Variants in SELENON observed in about 807,000 individuals in gnomAD.
The protein encoded by SELENON is selenoprotein N, 1.
SELENON carries 44 observed loss-of-function variants against 59.5 expected under a neutral mutation model. That is an observed-to-expected ratio of 0.74 (90% CI 0.58 to 0.95). The LOEUF (loss-of-function observed/expected upper bound fraction) is 0.95. SELENON is among the 40% of genes least tolerant of loss of function. SELENON has a pLI of 0.00. For missense variants in SELENON, 674 were observed against 721.4 expected, an observed-to-expected ratio of 0.93 and a Z score of 0.75; for synonymous variants, 320 against 305.6, an observed-to-expected ratio of 1.05 and a Z score of -0.49.
rs1553198611 is a variant in SELENON, at chr1:25,801,105, C to CGG, written c.249_250dup (p.Asp84GlyfsTer17). 14 of 1,614,032 alleles carry CGG rather than the reference C, an allele frequency of 8.7e-6. No homozygotes were observed. In the South Asian group the frequency reaches 1.4e-4, roughly 16 times the overall value. On this transcript the variant is annotated frameshift_variant, in exon 2 of 13. Transcript: ENST00000361547. LOFTEE classifies it high-confidence loss of function. ...TTCTCTTTTCCTCCTTGGACACTGA[C>CGG]GGGGATATGTACATCAGCCCTGAGG...
In SELENON at chr1:25,810,606, C is replaced by T. The variant is rs570419432; in HGVS notation, c.1010+786C>T. Reference sequence around the variant, plus strand: ...TCTGTAGGCCTGTTTCCTCATCTGCCGGATGGGAGACTGACTCCTGGCCTA... The same window carrying T: ...TCTGTAGGCCTGTTTCCTCATCTGCTGGATGGGAGACTGACTCCTGGCCTA... On this transcript the variant is annotated intron_variant, in intron 7 of 12. Coordinates refer to ENST00000361547, the MANE Select transcript of SELENON (RefSeq NM_020451.3). Among the ~76,000 whole-genome samples, 7 of 152,298 alleles carry T rather than the reference C, an allele frequency of 4.6e-5. No individual in the cohort carries two copies. In the East Asian group the frequency reaches 7.7e-4, roughly 17 times the overall value.
In SELENON at chr1:25,812,769, C is replaced by G. The variant is rs1356970085; in HGVS notation, c.1364C>G (p.Ala455Gly). 1 of 1,613,280 alleles carries G rather than the reference C, an allele frequency of 6.2e-7. No homozygotes were observed. The highest frequency in any genetic ancestry group is 1.7e-5 in the Admixed American group (1 of 59,974). ...GTGCACTCAATCCTGCTGTGGGGGG[C>G]CCTGGATGACCAGTCCTGCTGAGGT... Residue 455 changes from alanine (A) to glycine (G), a missense_variant, in exon 10 of 13, where the codon GCC (alanine) becomes GGC (glycine). By Grantham distance (60) the Ala-to-Gly change is moderately conservative (BLOSUM62 0). Coordinates refer to ENST00000361547, the MANE Select transcript of SELENON (RefSeq NM_020451.3).
chr1:25,815,267 C>CG (rs2048000780), intron 12 of SELENON, among the ~76,000 whole-genome samples: 1 of 116,720 alleles, frequency 8.6e-6, no homozygotes, highest in South Asian at 2.7e-4. Flanking sequence ...GGGGTCATTT[C>CG]GGGGGGCGGG....
Position 25,811,727 on chromosome 1 carries a change from G to C in SELENON, c.1129G>C (p.Val377Leu). The change falls in exon 9 of 13, where the codon GTG becomes CTG. Residue 377 changes from valine (V) to leucine (L), a missense_variant. Physicochemically the swap from Val to Leu is conservative, Grantham distance 32. Coordinates refer to ENST00000361547, the MANE Select transcript of SELENON (RefSeq NM_020451.3). Reference sequence around the variant, plus strand: ...GGCCACGGGCCCCTCTGTGCCCTCCGTGATCCTGGATGAGGATGGCAGCAT... The same window carrying C: ...GGCCACGGGCCCCTCTGTGCCCTCCCTGATCCTGGATGAGGATGGCAGCAT... 6.2e-7 allele frequency: 1 copy of C among 1,606,032 alleles called. No homozygotes were observed. Among genetic ancestry groups the C allele is most frequent in the Non-Finnish European group, 8.5e-7 (1 of 1,176,620 alleles).
In SELENON at chr1:25,815,649, G is replaced by C. The variant is rs754350384; in HGVS notation, c.1704G>C (p.Pro568=). 6.2e-7 allele frequency: 1 copy of C among 1,614,062 alleles called. No individual in the cohort carries two copies. Among genetic ancestry groups the C allele is most frequent in the African/African-American group, 1.3e-5 (1 of 74,920 alleles). The stretch of plus-strand genomic sequence containing the variant: ...GCTTCTCATCCACCTTTGAAGACCC[G>C]TCCACGGCCACCTACATGCAGTTCC... Residue 568 remains proline (P), a synonymous_variant, in exon 13 of 13, where the codon CCG becomes CCC. Transcript: ENST00000361547.
chr1:25,810,408 C>T (rs1435542870), intron 7 of SELENON, among the ~76,000 whole-genome samples: 2 of 152,222 alleles, frequency 1.3e-5, no homozygotes. Flanking sequence ...TAGAGGACCC[C>T]GGAGGCCCTG....
At chr1:25,804,825 G>T (rs1241042056) in intron 3 of SELENON, among the ~76,000 whole-genome samples, 2 of 152,078 alleles carry the variant, frequency 1.3e-5, no homozygotes, top group Non-Finnish European at 1.5e-5. Flanking sequence ...GTCGTGGTTG[G>T]TCATGGGTTT....
At position 25,800,256 on chromosome 1, in the gene SELENON, G is replaced by T; in HGVS notation, c.26G>T (p.Arg9Leu). The change falls in exon 1 of 13, where the codon CGC (arginine) becomes CTC (leucine). Residue 9 changes from arginine to leucine, a missense_variant. Arg to Leu is a moderately radical substitution (Grantham distance 102). Transcript: ENST00000361547. ...ATGGGCCGGGCCCGGCCGGGCCAAC[G>T]CGGGCCGCCCAGCCCCGGCCCCGCC... 1 of 921,894 alleles carries T rather than the reference G, an allele frequency of 1.1e-6. No individual in the cohort carries two copies. Among genetic ancestry groups the T allele is most frequent in the South Asian group, 4.8e-5 (1 of 20,734 alleles). The allele number at this position is 921,894 out of a possible 1,614,324, so 57.1% of individuals were successfully genotyped here. A position where few individuals can be genotyped will look rare whatever the true frequency, so the allele number is the denominator to read the frequency against.
In SELENON at chr1:25,809,087, C is replaced by T; in HGVS notation, c.809C>T (p.Ala270Val). ...CGGCCCTTTGTGAAGACCCGCTTTG[C>T]CCCTCAGGGAGCTGTGGCCTGCCTG... The change falls in exon 6 of 13, where the codon GCC becomes GTC. Residue 270 changes from alanine (A) to valine (V), a missense_variant. Physicochemically the swap from Ala to Val is moderately conservative, Grantham distance 64. Coordinates refer to ENST00000361547, the MANE Select transcript of SELENON (RefSeq NM_020451.3). The T allele has an allele frequency of 6.2e-7, 1 of 1,613,842 alleles. No homozygotes were observed.
At position 25,817,000 on chromosome 1, in the gene SELENON, ACT is replaced by A. The variant is rs1331966025; in HGVS notation, c.*1287_*1288del. The A allele has an allele frequency of 1.3e-5, 2 of 152,248 alleles. No individual in the cohort carries two copies. The highest frequency in any genetic ancestry group is 2.9e-5 in the Non-Finnish European group (2 of 68,138). The allele number at this position is 152,248 out of a possible 1,614,324, so 9.4% of individuals were successfully genotyped here. ...CACAAAGGCCCACAGGCATGCCTGT[ACT>A]CTCTTTCATTAAGGTCTTGAAGTCA... On this transcript the variant is annotated 3_prime_UTR_variant, in exon 13 of 13. Coordinates refer to ENST00000361547, the MANE Select transcript of SELENON (RefSeq NM_020451.3).
intron 7 of SELENON, among the ~76,000 whole-genome samples, chr1:25,810,137 G>A (rs1284783805): frequency 3.9e-5 from 6 of 152,152 alleles, no homozygotes; most frequent in Non-Finnish European, 7.4e-5. Flanking sequence ...AGCTGTAACC[G>A]CAGCCTGTGC....
Position 25,815,825 on chromosome 1 carries a change from C to G in SELENON, c.*107C>G. 1 of 1,247,270 alleles carries G rather than the reference C, an allele frequency of 8.0e-7. No individual in the cohort carries two copies. The highest frequency in any genetic ancestry group is 1.1e-6 in the Non-Finnish European group (1 of 876,570). 77.3% of individuals were successfully genotyped at this position (1,247,270 alleles called of 1,614,324 possible). A position where few individuals can be genotyped will look rare whatever the true frequency, so the allele number is the denominator to read the frequency against. ...CGCCCACTCCCACCCCACTCCTAGG[C>G]TGCCTTGGAGGGTACAAGATCCACT... On this transcript the variant is annotated 3_prime_UTR_variant, in exon 13 of 13. Coordinates refer to ENST00000361547, the MANE Select transcript of SELENON (RefSeq NM_020451.3).
At position 25,815,790 on chromosome 1, in the gene SELENON, C is replaced by A; in HGVS notation, c.*72C>A. Reference sequence around the variant, plus strand: ...AGAGTGGTCCTCAGCCCATTTCAGACTGCAGATGCCGCCCACTCCCACCCC... The same window carrying A: ...AGAGTGGTCCTCAGCCCATTTCAGAATGCAGATGCCGCCCACTCCCACCCC... On this transcript the variant is annotated 3_prime_UTR_variant, in exon 13 of 13. Transcript: ENST00000361547. 1 of 1,525,658 alleles carries A rather than the reference C, an allele frequency of 6.6e-7. No individual in the cohort carries two copies. The highest frequency in any genetic ancestry group is 1.1e-5 in the South Asian group (1 of 88,608). 94.5% of individuals were successfully genotyped at this position (1,525,658 alleles called of 1,614,324 possible).
chr1:25,811,447 A>G lies in SELENON; in HGVS notation c.1011-7A>G. 6.2e-7 allele frequency: 1 copy of G among 1,613,186 alleles called. No individual in the cohort carries two copies. The highest frequency in any genetic ancestry group is 8.5e-7 in the Non-Finnish European group (1 of 1,179,416). On this transcript the variant is annotated splice_region_variant and splice_polypyrimidine_tract_variant and intron_variant, in intron 7 of 12. Transcript: ENST00000361547. ...ATGATGGTGTCACTCTGCCCTGGCC[A>G]TCCCAGGTCTCTGAATGTGGACATG...
intron 5 of SELENON, 23 bp downstream of exon 4, chr1:25,808,812 G>C: frequency 1.2e-6 from 2 of 1,613,138 alleles, no homozygotes; most frequent in Non-Finnish European, 1.7e-6. Flanking sequence ...GGGGTGCGAC[G>C]TGGGGCCCCT....
rs769215236 is a variant in SELENON, at chr1:25,805,171, G to A, written c.433G>A (p.Glu145Lys). 2 of 1,614,012 alleles carry A rather than the reference G, an allele frequency of 1.2e-6. No homozygotes were observed. Among genetic ancestry groups the A allele is most frequent in the Non-Finnish European group, 1.7e-6 (2 of 1,180,040 alleles). ...AACTCCCGCGGCCAGCTGCGAGGAG[G>A]AGGAGTTGCCCCCTGACCCTAGCGA... The change falls in exon 4 of 13, where the codon GAG becomes AAG. Residue 145 changes from glutamate to lysine, a missense_variant. Physicochemically the swap from Glu to Lys is moderately conservative, Grantham distance 56 (BLOSUM62 1). Transcript: ENST00000361547.
At chr1:25,801,225 G>A in intron 2 of SELENON, 65 bp downstream of exon 2, 1 of 1,280,674 alleles carries the variant, frequency 7.8e-7, no homozygotes, top group Admixed American at 1.7e-5. Flanking sequence ...CACTGAGCAG[G>A]AGCGGCCGTC....
Position 25,808,735 on chromosome 1 carries a change from C to T in SELENON, c.693C>T (p.Phe231=), listed in dbSNP as rs903926749. The stretch of plus-strand genomic sequence containing the variant: ...TCATCCCCAGTGAGCTGAGCATGTT[C>T]ACTGGCTACCTGTCCAACAACCGCT... The change falls in exon 5 of 13, where the codon TTC becomes TTT. Residue 231 remains phenylalanine, a synonymous_variant. Transcript: ENST00000361547. The T allele has an allele frequency of 1.9e-6, 3 of 1,613,960 alleles. No homozygotes were observed. The highest frequency in any genetic ancestry group is 2.5e-6 in the Non-Finnish European group (3 of 1,179,996).
Position 25,811,362 on chromosome 1 carries a change from A to G in SELENON, c.1011-92A>G. On this transcript the variant is annotated intron_variant, in intron 7 of 12. Coordinates refer to ENST00000361547, the MANE Select transcript of SELENON (RefSeq NM_020451.3). Reference sequence around the variant, plus strand: ...GAGAAACCTCAGTGTCCTCATCTGGAAAGTGGAGACAGTTGCAGGTATTAT... The same window carrying G: ...GAGAAACCTCAGTGTCCTCATCTGGGAAGTGGAGACAGTTGCAGGTATTAT... 3.5e-6 allele frequency: 4 copies of G among 1,134,856 alleles called. No homozygotes were observed. In the Middle Eastern group the frequency reaches 5.8e-4, roughly 164 times the overall value. The allele number at this position is 1,134,856 out of a possible 1,614,324, so 70.3% of individuals were successfully genotyped here.
Sources: gnomAD v4.1 joint callset for allele counts (sites outside exome capture counted in the v4.1 genomes callset) on GRCh38, gnomAD v4.1.1 for gene constraint, MANE v1.5 for transcripts, NCBI Gene and HGNC (gene_info 2026-07-23, HGNC 2026-07-21) for gene names.